The following PXT1 variants were observed in gnomAD, a reference collection of about 807,000 sequenced individuals.
PXT1 encodes the protein peroxisomal testis enriched protein 1, also known as peroxisomal testis-specific protein 1.
Under a neutral mutation model 11.0 loss-of-function variants are expected in PXT1, and 11 were observed. The observed-to-expected ratio is 1.00, with a 90% CI of 0.63 to 1.66. PXT1 has a LOEUF of 1.66. PXT1 is among the 40% of genes most tolerant of loss of function. PXT1 has a pLI of 0.00. For synonymous variants in PXT1, 43 were observed against 51.4 expected (o/e 0.84, Z 0.70); for missense variants, 141 against 155.5 (o/e 0.91, Z 0.49).
intron 2 of PXT1, among the ~76,000 whole-genome samples, chr6:36,431,837 G>A (rs571949522): frequency 2.0e-5 from 3 of 152,252 alleles, no homozygotes; most frequent in South Asian, 2.1e-4. Flanking sequence ...TTGGGAGGCC[G>A]AGGTGAGGAT....
At chr6:36,410,414 C>T (rs1055825645) in intron 3 of PXT1, among the ~76,000 whole-genome samples, 2 of 147,372 alleles carry the variant, frequency 1.4e-5, no homozygotes, top group African/African-American at 2.5e-5. Flanking sequence ...AGCGCCATTG[C>T]TCGCCAGCCA....
chr6:36,439,343 G>A (rs1774820973), intron 1 of PXT1, among the ~76,000 whole-genome samples: 1 of 151,658 alleles, frequency 6.6e-6, no homozygotes, highest in South Asian at 2.1e-4. Flanking sequence ...TGGGAGTGGT[G>A]GCTCACGCCT....
At chr6:36,436,115 A>AAAAAAAAAAAAAAAAAAAAAAAAGAAACC (rs1491038211) in intron 2 of PXT1, among the ~76,000 whole-genome samples, 1 of 6,960 alleles carries the variant, frequency 1.4e-4, no homozygotes, top group Non-Finnish European at 1.1e-3. Context: ...AAGTAAGCCA[A>AAAAAAAAAAAAAAAAAAAAAAAAGAAACC]AAAAAAAAAA....
chr6:36,409,221 T>C (rs1384710973), intron 3 of PXT1, among the ~76,000 whole-genome samples: 1 of 151,722 alleles, frequency 6.6e-6, no homozygotes, highest in Non-Finnish European at 1.5e-5. Context: ...AAAATCAAAG[T>C]ATGAAAAAGA....
At chr6:36,399,855 G>A (rs539830848) in intron 4 of PXT1, among the ~76,000 whole-genome samples, 4 of 152,220 alleles carry the variant, frequency 2.6e-5, no homozygotes, top group Admixed American at 6.5e-5. Flanking sequence ...CTAAGAAACC[G>A]GCCAGGGTAG....
intron 4 of PXT1, among the ~76,000 whole-genome samples, chr6:36,395,848 A>G (rs1474790477): frequency 6.6e-6 from 1 of 151,920 alleles, no homozygotes; most frequent in Non-Finnish European, 1.5e-5. Flanking sequence ...AAAAAATACA[A>G]AAAAATTACC....
At chr6:36,409,693 G>A (rs1348787513) in intron 3 of PXT1, among the ~76,000 whole-genome samples, 1 of 151,874 alleles carries the variant, frequency 6.6e-6, no homozygotes, top group Non-Finnish European at 1.5e-5. Flanking sequence ...CAGGTGTGGT[G>A]GTGTGTGCCT....
chr6:36,406,810 CAA>C (rs5875547), intron 3 of PXT1, among the ~76,000 whole-genome samples: 389 of 131,830 alleles, frequency 3.0e-3, no homozygotes, highest in East Asian at 4.0e-3. Context: ...GACTCCATTT[CAA>C]AAAAAAAAAA....
At position 36,404,475 on chromosome 6, in the gene PXT1, C is replaced by T. The variant is rs1404311589; in HGVS notation, c.170-3891G>A. 2.6e-5 allele frequency among the ~76,000 whole-genome samples: 4 copies of T among 152,150 alleles called. No individual in the cohort carries two copies. The South Asian group carries it at 6.2e-4, about 24-fold the overall frequency. On this transcript the variant is annotated intron_variant, in intron 3 of 4. Coordinates refer to ENST00000454782, the MANE Select transcript of PXT1 (RefSeq NM_152990.4). ...TAGCTGGGACCACAGGTGCATGCCA[C>T]CATGCCCAGCTAAATTTTGTGTTTT...
intron 2 of PXT1, among the ~76,000 whole-genome samples, chr6:36,431,948 G>T (rs1297160549): frequency 3.9e-5 from 6 of 152,074 alleles, no homozygotes; most frequent in African/African-American, 1.4e-4. Flanking sequence ...GTGGGCATCT[G>T]TAATCCCAGA....
intron 2 of PXT1, among the ~76,000 whole-genome samples, chr6:36,427,797 A>T (rs1222838492): frequency 6.6e-6 from 1 of 152,172 alleles, no homozygotes; most frequent in African/African-American, 2.4e-5. Flanking sequence ...CTCAGTAGCC[A>T]CATGCAGCCA....
chr6:36,398,085 C>T (rs1774168359), intron 4 of PXT1, among the ~76,000 whole-genome samples: 1 of 151,928 alleles, frequency 6.6e-6, no homozygotes, highest in African/African-American at 2.4e-5. Context: ...TATGAATAGA[C>T]ATTTCTCCAA....
intron 2 of PXT1, among the ~76,000 whole-genome samples, chr6:36,430,408 G>C (rs1774676654): frequency 6.6e-6 from 1 of 152,112 alleles, no homozygotes; most frequent in African/African-American, 2.4e-5. Flanking sequence ...TAAAGCTCTT[G>C]AGATGAAGAG....
In PXT1 at chr6:36,425,904, A is replaced by G. The variant is rs1165648696; in HGVS notation, c.169+10T>C. 2.6e-6 allele frequency: 4 copies of G among 1,529,926 alleles called. No homozygotes were observed. Among genetic ancestry groups the G allele is most frequent in the African/African-American group, 1.4e-5 (1 of 72,714 alleles). The allele number at this position is 1,529,926 out of a possible 1,614,324, so 94.8% of individuals were successfully genotyped here. ...AAACTATTTATCTTAGTTTAATCCA[A>G]ATATCTTACCTGGGTTCCTTGACAT... On this transcript the variant is annotated intron_variant, in intron 3 of 4. Transcript: ENST00000454782.
intron 4 of PXT1, chr6:36,393,532 C>A (rs1774100245): frequency 6.6e-6 from 1 of 152,394 alleles, no homozygotes; most frequent in Admixed American, 6.5e-5. Flanking sequence ...GAGTTTGAGA[C>A]CAGCCTGACC....
intron 3 of PXT1, among the ~76,000 whole-genome samples, chr6:36,406,180 C>A (rs1774286657): frequency 6.6e-6 from 1 of 152,212 alleles, no homozygotes; most frequent in Admixed American, 6.5e-5. Flanking sequence ...GTTGCCTAAG[C>A]AATCAGGTTC....
At chr6:36,417,272 G>A (rs1026652555) in intron 3 of PXT1, among the ~76,000 whole-genome samples, 1 of 151,764 alleles carries the variant, frequency 6.6e-6, no homozygotes. Context: ...GCTTGAACCC[G>A]GGAGGCAGAG....
chr6:36,431,851 G>A (rs542311761), intron 2 of PXT1, among the ~76,000 whole-genome samples: 19 of 152,216 alleles, frequency 1.2e-4, no homozygotes, highest in African/African-American at 3.9e-4. Context: ...TGAGGATATC[G>A]TTTGAGGTCA....
chr6:36,408,787 G>A (rs1334746027), intron 3 of PXT1, among the ~76,000 whole-genome samples: 1 of 151,656 alleles, frequency 6.6e-6, no homozygotes, highest in Non-Finnish European at 1.5e-5. Flanking sequence ...AAGCCAAGGT[G>A]AGAGGATTGC....
Sources: gnomAD v4.1 joint callset for allele counts (sites outside exome capture counted in the v4.1 genomes callset) on GRCh38, gnomAD v4.1.1 for gene constraint, MANE v1.5 for transcripts, NCBI Gene and HGNC (gene_info 2026-07-23, HGNC 2026-07-21) for gene names.